UBE2G1: variants seen among roughly 807,000 people sequenced by gnomAD.
UBE2G1 encodes the protein ubiquitin-conjugating enzyme E2 G1.
Under a neutral mutation model 22.7 loss-of-function variants are expected in UBE2G1, and 5 were observed. That is an observed-to-expected ratio of 0.22 (90% CI 0.12 to 0.46). UBE2G1 has a LOEUF of 0.46. UBE2G1 is among the 20% of genes least tolerant of loss of function. The pLI is 0.99. For missense variants in UBE2G1, 88 were observed against 203.9 expected, an observed-to-expected ratio of 0.43 and a Z score of 3.46; for synonymous variants, 74 against 67.5, an observed-to-expected ratio of 1.10 and a Z score of -0.47.
intron 2 of UBE2G1, chr17:4,302,273 G>A: frequency 2.1e-6 from 1 of 470,758 alleles, no homozygotes; most frequent in East Asian, 5.5e-5. Flanking sequence ...GGCTCCCAGT[G>A]GATGACACGG....
At chr17:4,335,827 A>G (rs1004794649) in intron 1 of UBE2G1, among the ~76,000 whole-genome samples, 3 of 152,198 alleles carry the variant, frequency 2.0e-5, no homozygotes, top group African/African-American at 7.2e-5. Flanking sequence ...ATAGCAAATA[A>G]AGAAAACAAA....
chr17:4,335,921 G>A (rs988394363), intron 1 of UBE2G1, among the ~76,000 whole-genome samples: 1 of 152,278 alleles, frequency 6.6e-6, no homozygotes, highest in East Asian at 1.9e-4. Flanking sequence ...CAAGGCGGGA[G>A]GATCACTTGA....
intron 5 of UBE2G1, among the ~76,000 whole-genome samples, chr17:4,279,797 A>C (rs1293685150): frequency 3.3e-4 from 2 of 5,994 alleles, no homozygotes; most frequent in Non-Finnish European, 2.7e-3. Flanking sequence ...ATATATATAT[A>C]TATATATATA....
chr17:4,349,158 T>C (rs9674759), intron 1 of UBE2G1, among the ~76,000 whole-genome samples: 5,351 of 152,028 alleles, frequency 0.035, 339 homozygotes, highest in African/African-American at 0.12. Context: ...CTGTCTCTAC[T>C]AAAATACAAA....
At chr17:4,322,224 A>G (rs1969448555) in intron 1 of UBE2G1, among the ~76,000 whole-genome samples, 2 of 152,188 alleles carry the variant, frequency 1.3e-5, no homozygotes, top group Non-Finnish European at 2.9e-5. Flanking sequence ...AGTAGTCTCC[A>G]CCCACTTCTT....
At position 4,269,931 on chromosome 17, in the gene UBE2G1, T is replaced by C. The variant is rs909926631; in HGVS notation, c.*2623A>G. The C allele has an allele frequency of 2.0e-5, 3 of 152,964 alleles. No individual in the cohort carries two copies. The highest frequency in any genetic ancestry group is 7.2e-5 in the African/African-American group (3 of 41,436). The allele number at this position is 152,964 out of a possible 1,614,324, so 9.5% of individuals were successfully genotyped here. A position where few individuals can be genotyped will look rare whatever the true frequency, so the allele number is the denominator to read the frequency against. On this transcript the variant is annotated 3_prime_UTR_variant, in exon 6 of 6. Coordinates refer to ENST00000396981, the MANE Select transcript of UBE2G1 (RefSeq NM_003342.5). The stretch of plus-strand genomic sequence containing the variant: ...CACCTCGTTCAGTGTCACCTGAATG[T>C]GGGTTTCGTATCAAATGTAGAGGCA...
intron 3 of UBE2G1, among the ~76,000 whole-genome samples, chr17:4,294,206 A>C (rs746128258): frequency 2.5e-4 from 38 of 152,184 alleles, no homozygotes; most frequent in Non-Finnish European, 4.1e-4. Flanking sequence ...ACATGAGGTC[A>C]GGAGTTCAAG....
chr17:4,351,092 G>C (rs568881505), intron 1 of UBE2G1, among the ~76,000 whole-genome samples: 2 of 151,410 alleles, frequency 1.3e-5, no homozygotes, highest in South Asian at 4.2e-4. Flanking sequence ...CCAGCTACTC[G>C]GGACTCTGAG....
intron 1 of UBE2G1, among the ~76,000 whole-genome samples, chr17:4,311,590 T>A (rs1316596838): frequency 1.3e-5 from 2 of 151,978 alleles, no homozygotes; most frequent in Non-Finnish European, 2.9e-5. Flanking sequence ...AAGAGGCAAA[T>A]CCAGAGACAG....
intron 1 of UBE2G1, among the ~76,000 whole-genome samples, chr17:4,363,662 A>T (rs1180381674): frequency 1.3e-5 from 2 of 152,138 alleles, no homozygotes; most frequent in East Asian, 3.8e-4. Context: ...TTATGTAAGA[A>T]TTCAGAGAGG....
chr17:4,357,795 T>C (rs1969924600), intron 1 of UBE2G1, among the ~76,000 whole-genome samples: 1 of 151,438 alleles, frequency 6.6e-6, no homozygotes, highest in African/African-American at 2.4e-5. Context: ...CGGAACTCTG[T>C]CTCAAAAAAA....
chr17:4,302,055 G>T, intron 2 of UBE2G1: 2 of 499,962 alleles, frequency 4.0e-6, no homozygotes, highest in Admixed American at 4.3e-5. Flanking sequence ...AAAGGGGGGG[G>T]AAGTTTTTAC....
At chr17:4,288,191 A>T (rs534802021) in intron 4 of UBE2G1, among the ~76,000 whole-genome samples, 71 of 152,306 alleles carry the variant, frequency 4.7e-4, no homozygotes, top group African/African-American at 1.7e-3. Flanking sequence ...TATAGATGTG[A>T]AACTTTTGAA....
chr17:4,345,213 CA>C (rs1288097404), intron 1 of UBE2G1, among the ~76,000 whole-genome samples: 1 of 152,128 alleles, frequency 6.6e-6, no homozygotes, highest in Non-Finnish European at 1.5e-5. Context: ...ATTTTAGATT[CA>C]GGGGGTTATT....
At chr17:4,288,367 T>C (rs564137627) in intron 4 of UBE2G1, among the ~76,000 whole-genome samples, 6 of 152,126 alleles carry the variant, frequency 3.9e-5, no homozygotes, top group South Asian at 2.1e-4. Context: ...GCTGGGACTA[T>C]AGGCGCCCGC....
In UBE2G1 at chr17:4,286,260, C is replaced by G. The variant is rs143713039; in HGVS notation, c.426+2970G>C. Among the ~76,000 whole-genome samples, 761 of 151,910 alleles carry G rather than the reference C, an allele frequency of 5.0e-3. 5 individuals are homozygous for G. The highest frequency in any genetic ancestry group is 0.018 in the African/African-American group (739 of 41,422). On this transcript the variant is annotated intron_variant, in intron 4 of 5. Coordinates refer to ENST00000396981, the MANE Select transcript of UBE2G1 (RefSeq NM_003342.5). ...TCTCTACTAAAACTACAAAAATTAG[C>G]CAGGCGTGGTGGCAGATGCCTGTAA... is the stretch of plus-strand genomic sequence containing the variant.
intron 1 of UBE2G1, among the ~76,000 whole-genome samples, chr17:4,329,666 G>A (rs571669144): frequency 6.6e-6 from 1 of 152,080 alleles, no homozygotes; most frequent in Admixed American, 6.5e-5. Context: ...ACATTTTTGT[G>A]GTTGGTTAAG....
chr17:4,290,917 C>A lies in UBE2G1; in HGVS notation c.248-1509G>T, dbSNP rs146320313. On this transcript the variant is annotated intron_variant, in intron 3 of 5. Coordinates refer to ENST00000396981, the MANE Select transcript of UBE2G1 (RefSeq NM_003342.5). ...TGCCTACTGCATGCCAGGCACACAT[C>A]TGACAGAGAAGTACAGCAGTGAATA... Among the ~76,000 whole-genome samples the A allele has an allele frequency of 6.9e-3, 1,054 of 152,162 alleles. 12 individuals are homozygous for A. The highest frequency in any genetic ancestry group is 0.024 in the African/African-American group (983 of 41,516).
rs181340186 is a variant in UBE2G1, at chr17:4,340,196, C to G, written c.46+26075G>C. ...TTGGCCTCCCAAAATGTTGGGGTAA[C>G]AGGCATGAGCTACCATGCCCAACCT... is the stretch of plus-strand genomic sequence containing the variant. On this transcript the variant is annotated intron_variant, in intron 1 of 5. Transcript: ENST00000396981. 3.3e-5 allele frequency among the ~76,000 whole-genome samples: 5 copies of G among 152,304 alleles called. No individual in the cohort carries two copies. The East Asian group carries it at 5.8e-4, about 18-fold the overall frequency.
Sources: allele counts gnomAD v4.1 joint callset (sites outside exome capture counted in the v4.1 genomes callset), GRCh38; gene constraint gnomAD v4.1.1; transcripts MANE v1.5; gene names NCBI Gene and HGNC (gene_info 2026-07-23, HGNC 2026-07-21).